TWSG1: variants seen among roughly 807,000 people sequenced by gnomAD.
The protein encoded by TWSG1 is twisted gastrulation protein homolog 1.
TWSG1 carries 15 observed loss-of-function variants against 23.0 expected under a neutral mutation model. The observed-to-expected ratio is 0.65, with a 90% CI of 0.44 to 1.00. The LOEUF (loss-of-function observed/expected upper bound fraction) is 1.00. Among genes scored for constraint, TWSG1 ranks in the 50% least tolerant of loss-of-function variants. The pLI is 0.00. For missense variants in TWSG1, 242 were observed against 278.7 expected (o/e 0.87, Z 0.94); for synonymous variants, 86 against 92.8 (o/e 0.93, Z 0.42).
intron 1 of TWSG1, among the ~76,000 whole-genome samples, chr18:9,336,398 A>G (rs1265613732): frequency 4.0e-5 from 6 of 151,860 alleles, no homozygotes; most frequent in African/African-American, 4.8e-5. Context: ...TCTAAAAGAA[A>G]AAAAAAAAAA....
At chr18:9,347,853 G>C (rs1306991900) in intron 2 of TWSG1, among the ~76,000 whole-genome samples, 2 of 151,950 alleles carry the variant, frequency 1.3e-5, no homozygotes, top group Non-Finnish European at 2.9e-5. Context: ...ATTTTCCTCA[G>C]TGTCTTCAAG....
At chr18:9,370,612 G>A (rs2040600838) in intron 3 of TWSG1, among the ~76,000 whole-genome samples, 1 of 152,120 alleles carries the variant, frequency 6.6e-6, no homozygotes, top group Admixed American at 6.5e-5. Context: ...CCTATTCAGA[G>A]TTTACTTTTA....
At chr18:9,343,558 C>G (rs1378842567) in intron 2 of TWSG1, among the ~76,000 whole-genome samples, 1 of 152,066 alleles carries the variant, frequency 6.6e-6, no homozygotes, top group Non-Finnish European at 1.5e-5. Context: ...GAAGGGAACT[C>G]CATACCCTTT....
intron 3 of TWSG1, among the ~76,000 whole-genome samples, chr18:9,395,136 C>T (rs778567227): frequency 3.9e-5 from 6 of 152,288 alleles, no homozygotes; most frequent in Non-Finnish European, 7.3e-5. Flanking sequence ...AGAGTACAGA[C>T]CTTGATTATA....
At chr18:9,343,891 CTTTG>C (rs978493119) in intron 2 of TWSG1, among the ~76,000 whole-genome samples, 20 of 152,132 alleles carry the variant, frequency 1.3e-4, no homozygotes, top group Admixed American at 2.6e-4. Flanking sequence ...GTGGATGTAT[CTTTG>C]TTTGTTTTTT....
chr18:9,337,068 TA>T, intron 1 of TWSG1, 124 bp from the exon 2 acceptor site: 1 of 858,214 alleles, frequency 1.2e-6, no homozygotes, highest in Non-Finnish European at 1.7e-6. Flanking sequence ...AGCAAGACTC[TA>T]AAAAAGAAAG....
chr18:9,356,365 G>C (rs112029835), intron 2 of TWSG1, among the ~76,000 whole-genome samples: 12 of 152,104 alleles, frequency 7.9e-5, no homozygotes, highest in Admixed American at 7.9e-4. Flanking sequence ...CTGTTTGTTC[G>C]CAGTAATCTC....
At chr18:9,399,297 T>C (rs1342641438) in intron 4 of TWSG1, 49 bp from the exon 5 acceptor site, 1 of 1,378,168 alleles carries the variant, frequency 7.3e-7, no homozygotes. Context: ...ATTTTATTTT[T>C]TTGTTTTTCT....
At chr18:9,375,227 G>GAA (rs146550592) in intron 3 of TWSG1, among the ~76,000 whole-genome samples, 77 of 137,000 alleles carry the variant, frequency 5.6e-4, no homozygotes, top group African/African-American at 1.7e-3. Flanking sequence ...AGTTAAAAAA[G>GAA]AAAAAAAAAT....
chr18:9,337,082 A>C, intron 1 of TWSG1, 111 bp from the exon 2 acceptor site: 2 of 994,650 alleles, frequency 2.0e-6, no homozygotes, highest in Middle Eastern at 3.3e-4. Context: ...AAAGAAAGAA[A>C]AAGTATATTG....
intron 4 of TWSG1, among the ~76,000 whole-genome samples, chr18:9,398,729 G>C (rs1372659947): frequency 6.6e-6 from 1 of 152,136 alleles, no homozygotes; most frequent in Non-Finnish European, 1.5e-5. Context: ...AAAGTGTTGG[G>C]ATTACAGGCT....
At chr18:9,354,007 G>A (rs1260705880) in intron 2 of TWSG1, among the ~76,000 whole-genome samples, 1 of 152,094 alleles carries the variant, frequency 6.6e-6, no homozygotes, top group Non-Finnish European at 1.5e-5. Flanking sequence ...TAATGCCTTT[G>A]ATTAAACAAT....
chr18:9,358,500 T>C (rs2040537341), intron 2 of TWSG1, among the ~76,000 whole-genome samples: 1 of 152,144 alleles, frequency 6.6e-6, no homozygotes, highest in African/African-American at 2.4e-5. Flanking sequence ...CAAAGGCAGG[T>C]AGCAGCCAAT....
intron 1 of TWSG1, among the ~76,000 whole-genome samples, chr18:9,336,081 G>C: frequency 6.6e-6 from 1 of 152,094 alleles, no homozygotes; most frequent in East Asian, 1.9e-4. Flanking sequence ...TGAAGAATGT[G>C]TGGTACTAAT....
chr18:9,389,452 T>C (rs2040701185), intron 3 of TWSG1, among the ~76,000 whole-genome samples: 1 of 152,236 alleles, frequency 6.6e-6, no homozygotes, highest in Non-Finnish European at 1.5e-5. Flanking sequence ...GCTCTGATCC[T>C]AGATGACATA....
chr18:9,383,444 G>T (rs1249286159), intron 3 of TWSG1, among the ~76,000 whole-genome samples: 2 of 151,958 alleles, frequency 1.3e-5, no homozygotes, highest in Non-Finnish European at 2.9e-5. Context: ...CACCCACCTC[G>T]GCCTCCCAAA....
intron 3 of TWSG1, among the ~76,000 whole-genome samples, chr18:9,388,683 T>C (rs1315199627): frequency 6.6e-6 from 1 of 152,250 alleles, no homozygotes. Flanking sequence ...CCAAATTGTT[T>C]TGATATAATG....
intron 3 of TWSG1, among the ~76,000 whole-genome samples, chr18:9,393,165 A>G (rs2040720258): frequency 6.6e-6 from 1 of 152,272 alleles, no homozygotes; most frequent in Non-Finnish European, 1.5e-5. Flanking sequence ...CAGGGTTGCC[A>G]CAAACCTTCA....
chr18:9,337,209 GATC>G lies in TWSG1; in HGVS notation c.-17_-15del. 1.9e-6 allele frequency: 3 copies of G among 1,607,696 alleles called. No homozygotes were observed. Among genetic ancestry groups the G allele is most frequent in the Non-Finnish European group, 2.5e-6 (3 of 1,179,518 alleles). On this transcript the variant is annotated 5_prime_UTR_variant, in exon 2 of 5. Transcript: ENST00000262120. ...TTTGTTTAGTTTCCTGGGAGTTACT[GATC>G]ATCTTCTTTGAAGAAACATGAAGTT...
Sources: gnomAD v4.1 joint callset for allele counts (sites outside exome capture counted in the v4.1 genomes callset) on GRCh38, gnomAD v4.1.1 for gene constraint, MANE v1.5 for transcripts, NCBI Gene and HGNC (gene_info 2026-07-23, HGNC 2026-07-21) for gene names.